STAU2: variants seen among roughly 807,000 people sequenced by gnomAD.
The protein encoded by STAU2 is double-stranded RNA-binding protein Staufen homolog 2.
STAU2 carries 20 observed loss-of-function variants against 65.9 expected under a neutral mutation model. That is an observed-to-expected ratio of 0.30 (90% CI 0.21 to 0.44). The LOEUF (loss-of-function observed/expected upper bound fraction) is 0.44. STAU2 is among the 20% of genes least tolerant of loss of function. The pLI is 1.00. For synonymous variants in STAU2, 232 were observed against 233.9 expected (o/e 0.99, Z 0.07); for missense variants, 558 against 683.9 (o/e 0.82, Z 2.05).
At chr8:73,524,354 G>A (rs1379352855) in intron 13 of STAU2, among the ~76,000 whole-genome samples, 1 of 152,100 alleles carries the variant, frequency 6.6e-6, no homozygotes, top group South Asian at 2.1e-4. Context: ...AGGCATGGTA[G>A]GGGGACGCAG....
At chr8:73,539,572 G>A (rs1806395189) in intron 13 of STAU2, among the ~76,000 whole-genome samples, 1 of 152,280 alleles carries the variant, frequency 6.6e-6, no homozygotes, top group South Asian at 2.1e-4. Context: ...GCCAGGTGTG[G>A]TGGCTCATGC....
chr8:73,472,998 G>C (rs1228444767), intron 13 of STAU2, among the ~76,000 whole-genome samples: 1 of 152,198 alleles, frequency 6.6e-6, no homozygotes, highest in African/African-American at 2.4e-5. Context: ...ATATACATTA[G>C]AATCTTTTCC....
intron 9 of STAU2, among the ~76,000 whole-genome samples, chr8:73,604,530 C>T (rs1405981170): frequency 2.0e-5 from 3 of 151,938 alleles, no homozygotes; most frequent in Non-Finnish European, 4.4e-5. Context: ...AGCACCCGGC[C>T]ACAACACACA....
chr8:73,706,732 G>A (rs1279514695), intron 4 of STAU2, among the ~76,000 whole-genome samples: 4 of 152,136 alleles, frequency 2.6e-5, no homozygotes, highest in Admixed American at 1.3e-4. Context: ...AACTGGCACA[G>A]GTTGGCAAAA....
intron 13 of STAU2, among the ~76,000 whole-genome samples, chr8:73,435,827 T>G (rs982284488): frequency 4.6e-5 from 7 of 151,826 alleles, no homozygotes; most frequent in Non-Finnish European, 1.0e-4. Context: ...GACTCCACAA[T>G]TGGGGTTTTG....
intron 6 of STAU2, among the ~76,000 whole-genome samples, chr8:73,640,249 A>T (rs1489883575): frequency 6.6e-6 from 1 of 152,050 alleles, no homozygotes; most frequent in East Asian, 1.9e-4. Context: ...AATGAAACAA[A>T]ATTAGAATAA....
rs1202259357 is a variant in STAU2, at chr8:73,420,947, TG to T, written c.*424del. ...GCACATCATTGGTTCATTTTCGAAT[TG>T]TCAAGCAGTATTTGAAATGAGAGAG... On this transcript the variant is annotated 3_prime_UTR_variant, in exon 15 of 15. Coordinates refer to ENST00000524300, the MANE Select transcript of STAU2 (RefSeq NM_001164380.2). 1 of 161,034 alleles carries T rather than the reference TG, an allele frequency of 6.2e-6. No individual in the cohort carries two copies. The highest frequency in any genetic ancestry group is 6.1e-5 in the Admixed American group (1 of 16,466). 10.0% of individuals were successfully genotyped at this position (161,034 alleles called of 1,614,324 possible).
intron 6 of STAU2, among the ~76,000 whole-genome samples, chr8:73,637,176 A>T (rs559457575): frequency 7.1e-5 from 7 of 99,104 alleles, no homozygotes; most frequent in East Asian, 9.7e-4. Flanking sequence ...AATTAAAATT[A>T]AAAAAAAGGT....
At chr8:73,569,940 G>A (rs1003364412) in intron 12 of STAU2, among the ~76,000 whole-genome samples, 8 of 152,142 alleles carry the variant, frequency 5.3e-5, no homozygotes, top group Non-Finnish European at 8.8e-5. Context: ...CGCCAGCAAC[G>A]GAAAAAAGCT....
At chr8:73,597,503 A>C (rs1811279871) in intron 10 of STAU2, among the ~76,000 whole-genome samples, 1 of 144,164 alleles carries the variant, frequency 6.9e-6, no homozygotes, top group Admixed American at 6.9e-5. Flanking sequence ...AAATACAAAA[A>C]TAAAAAAAAA....
At chr8:73,649,180 A>T (rs971658252) in intron 6 of STAU2, among the ~76,000 whole-genome samples, 5 of 152,214 alleles carry the variant, frequency 3.3e-5, no homozygotes, top group Non-Finnish European at 7.3e-5. Context: ...TAGTTCAGAG[A>T]TGCAAAACAA....
chr8:73,550,753 A>C, intron 13 of STAU2: 1 of 987,542 alleles, frequency 1.0e-6, no homozygotes, highest in East Asian at 1.1e-4. Flanking sequence ...GACAGAGCCG[A>C]TAACTGGTAA....
intron 9 of STAU2, among the ~76,000 whole-genome samples, chr8:73,610,150 T>C (rs913428909): frequency 6.6e-6 from 1 of 151,766 alleles, no homozygotes; most frequent in South Asian, 2.1e-4. Context: ...CATGGTGGTG[T>C]TGTGCCTGTA....
chr8:73,601,754 C>T (rs1324809796), intron 10 of STAU2, among the ~76,000 whole-genome samples: 1 of 152,076 alleles, frequency 6.6e-6, no homozygotes, highest in African/African-American at 2.4e-5. Context: ...TGGAAGCTGG[C>T]CTAAGATATG....
chr8:73,491,104 T>G (rs1196188379), intron 13 of STAU2, among the ~76,000 whole-genome samples: 1 of 152,012 alleles, frequency 6.6e-6, no homozygotes, highest in Non-Finnish European at 1.5e-5. Flanking sequence ...AGAAGCAGTT[T>G]TAACACATGT....
intron 6 of STAU2, among the ~76,000 whole-genome samples, chr8:73,666,193 T>C (rs547263393): frequency 1.3e-5 from 2 of 152,292 alleles, no homozygotes; most frequent in South Asian, 4.1e-4. Flanking sequence ...AAATCTTATA[T>C]GCAAAGTTTG....
chr8:73,585,146 A>C (rs1463674231), intron 11 of STAU2, among the ~76,000 whole-genome samples: 1 of 152,222 alleles, frequency 6.6e-6, no homozygotes, highest in African/African-American at 2.4e-5. Context: ...GTTTTATTTG[A>C]CTAAACTAAT....
intron 13 of STAU2, among the ~76,000 whole-genome samples, chr8:73,478,057 T>G (rs71527213): frequency 6.7e-6 from 1 of 150,032 alleles, no homozygotes; most frequent in African/African-American, 2.5e-5. Flanking sequence ...TTTTTTTTTG[T>G]AGTAAGAAAA....
intron 13 of STAU2, among the ~76,000 whole-genome samples, chr8:73,501,519 T>C (rs1447592107): frequency 7.2e-5 from 11 of 151,924 alleles, no homozygotes; most frequent in Non-Finnish European, 1.5e-5. Context: ...ATTTCACTTC[T>C]CTATAAATCT....
Sources: gnomAD v4.1 joint callset for allele counts (sites outside exome capture counted in the v4.1 genomes callset) on GRCh38, gnomAD v4.1.1 for gene constraint, MANE v1.5 for transcripts, NCBI Gene and HGNC (gene_info 2026-07-23, HGNC 2026-07-21) for gene names.